NR1H3: variants seen among roughly 807,000 people sequenced by gnomAD.
NR1H3 encodes oxysterols receptor LXR-alpha.
In NR1H3, 19 loss-of-function variants were observed where a neutral mutation model predicts 48.1. That is an observed-to-expected ratio of 0.40 (90% CI 0.28 to 0.58). NR1H3 has a LOEUF of 0.58. Ranked by LOEUF, NR1H3 falls within the 20% of genes least tolerant of loss-of-function variation. The pLI, the probability that NR1H3 is intolerant of heterozygous loss-of-function variation, is 0.50. For missense variants in NR1H3, 486 were observed against 595.9 expected (o/e 0.82, Z 1.92); for synonymous variants, 232 against 227.3 (o/e 1.02, Z -0.19).
chr11:47,251,325 G>A (rs1462432282), intron 1 of NR1H3, among the ~76,000 whole-genome samples: 1 of 151,358 alleles, frequency 6.6e-6, no homozygotes, highest in Non-Finnish European at 1.5e-5. Context: ...TGGACTAAAC[G>A]GGACCTAGGC....
Position 47,261,341 on chromosome 11 carries a change from C to T in NR1H3, c.600C>T (p.Pro200=), listed in dbSNP as rs147104411. 8.7e-6 allele frequency: 14 copies of T among 1,614,028 alleles called. No homozygotes were observed. Among genetic ancestry groups the T allele is most frequent in the African/African-American group, 4.0e-5 (3 of 74,898 alleles). The change falls in exon 5 of 10, where the codon CCC becomes CCT. Residue 200 remains proline, a synonymous_variant. Transcript: ENST00000441012. Reference sequence around the variant, plus strand: ...TGCCCCCCAGGGCTTCCTCACCCCCCCAAATCCTGCCCCAGCTCAGCCCGG... The same window carrying T: ...TGCCCCCCAGGGCTTCCTCACCCCCTCAAATCCTGCCCCAGCTCAGCCCGG... ...TSLPPRASSP[P]QILPQLSPEQ... is the part of the protein sequence containing the mutation.
chr11:47,264,675 A>T (rs1049429564), intron 7 of NR1H3, among the ~76,000 whole-genome samples: 2 of 152,194 alleles, frequency 1.3e-5, no homozygotes, highest in Non-Finnish European at 2.9e-5. Flanking sequence ...ATGCTATCTG[A>T]ATCTGCACCT....
chr11:47,260,385 G>A (rs369828876), intron 3 of NR1H3, 24 bp from the exon 4 acceptor site: 40 of 1,593,194 alleles, frequency 2.5e-5, no homozygotes, highest in Admixed American at 8.5e-5. Flanking sequence ...GGGGGAGAGC[G>A]TTGAAGCACT....
At chr11:47,248,915 G>A, upstream of NR1H3, 1 of 1,539,968 alleles carries the variant, frequency 6.5e-7, no homozygotes, top group Admixed American at 2.0e-5. Context: ...TTAGGGACCT[G>A]CTGGGGTGCG....
chr11:47,248,746 TGGA>T (rs769826672), upstream of NR1H3: 5 of 1,608,868 alleles, frequency 3.1e-6, no homozygotes, highest in Non-Finnish European at 4.2e-6. Context: ...GAGAAGGAGC[TGGA>T]GGAGAGCCGC....
intron 1 of NR1H3, among the ~76,000 whole-genome samples, chr11:47,249,352 C>T (rs983000406): frequency 2.6e-5 from 4 of 152,156 alleles, no homozygotes; most frequent in African/African-American, 9.7e-5. Context: ...CCCAGTCTGG[C>T]CTACCGTTCC....
At chr11:47,249,040 A>C in intron 1 of NR1H3, 1 of 1,446,878 alleles carries the variant, frequency 6.9e-7, no homozygotes, top group African/African-American at 1.4e-5. Flanking sequence ...CGAAGACCTC[A>C]TCTTGATTAA....
At chr11:47,255,615 C>CTCTT (rs71042664), upstream of NR1H3, among the ~76,000 whole-genome samples, 192 of 93,026 alleles carry the variant, frequency 2.1e-3, 1 homozygote, top group African/African-American at 5.9e-3. Flanking sequence ...CTCTCTCTCT[C>CTCTT]TCTTTCTTTC....
chr11:47,260,535 G>C lies in NR1H3; in HGVS notation c.359G>C (p.Gly120Ala), dbSNP rs1418463119. Residue 120 changes from glycine to alanine, a missense_variant, in exon 4 of 10, where the codon GGA becomes GCA. Gly to Ala is a moderately conservative substitution (Grantham distance 60). Coordinates refer to ENST00000441012, the MANE Select transcript of NR1H3 (RefSeq NM_005693.4). Reference sequence around the variant, plus strand: ...GTTCTGAGCTGCGAGGGCTGCAAGGGATTCTTCCGCCGCAGCGTCATCAAG... The same window carrying C: ...GTTCTGAGCTGCGAGGGCTGCAAGGCATTCTTCCGCCGCAGCGTCATCAAG... ...YNVLSCEGCKGFFRRSVIKGA... is the reference protein window; with the variant it reads ...YNVLSCEGCKAFFRRSVIKGA... The C allele has an allele frequency of 1.2e-6, 2 of 1,614,258 alleles. No individual in the cohort carries two copies. The highest frequency in any genetic ancestry group is 1.7e-6 in the Non-Finnish European group (2 of 1,180,056).
In NR1H3 at chr11:47,261,461, A is replaced by G; in HGVS notation, c.708+12A>G. Reference sequence around the variant, plus strand: ...GGCTTCGAGTCACGGTACTTGACACACCTGGGGAGAGGCGGCTGCGCCCAG... The same window carrying G: ...GGCTTCGAGTCACGGTACTTGACACGCCTGGGGAGAGGCGGCTGCGCCCAG... On this transcript the variant is annotated intron_variant, in intron 5 of 9. Transcript: ENST00000441012. The G allele has an allele frequency of 6.2e-7, 1 of 1,612,802 alleles. No homozygotes were observed. The highest frequency in any genetic ancestry group is 8.5e-7 in the Non-Finnish European group (1 of 1,178,936).
intron 7 of NR1H3, among the ~76,000 whole-genome samples, chr11:47,264,900 G>C (rs1321596044): frequency 1.3e-5 from 2 of 152,176 alleles, no homozygotes; most frequent in Non-Finnish European, 2.9e-5. Context: ...GACCCTCAGA[G>C]GTGCATTAGC....
intron 7 of NR1H3, among the ~76,000 whole-genome samples, chr11:47,265,153 G>A (rs1197810983): frequency 6.6e-6 from 1 of 152,170 alleles, no homozygotes; most frequent in Non-Finnish European, 1.5e-5. Flanking sequence ...AATTAGCTGG[G>A]CGTGGTGGTG....
intron 7 of NR1H3, among the ~76,000 whole-genome samples, chr11:47,264,335 A>G (rs1028043443): frequency 6.6e-6 from 1 of 152,214 alleles, no homozygotes; most frequent in Admixed American, 6.5e-5. Flanking sequence ...AGGCCAGCTC[A>G]CGTGCCTCTT....
chr11:47,268,728 G>C lies in NR1H3; in HGVS notation c.*32G>C, dbSNP rs967850460. On this transcript the variant is annotated 3_prime_UTR_variant, in exon 10 of 10. Transcript: ENST00000441012. Reference sequence around the variant, plus strand: ...TGTCCCCATATTTTCTGTTTTCTTGGCCGGATGGCTGAGGCCTGGTGGCTG... The same window carrying C: ...TGTCCCCATATTTTCTGTTTTCTTGCCCGGATGGCTGAGGCCTGGTGGCTG... 3 of 1,606,520 alleles carry C rather than the reference G, an allele frequency of 1.9e-6. No individual in the cohort carries two copies. Among genetic ancestry groups the C allele is most frequent in the African/African-American group, 2.7e-5 (2 of 74,792 alleles).
At chr11:47,262,985 G>GT (rs1354660102) in intron 7 of NR1H3, among the ~76,000 whole-genome samples, 2 of 152,144 alleles carry the variant, frequency 1.3e-5, no homozygotes. Context: ...TAGGTCAGTG[G>GT]TTTTCAAACT....
At chr11:47,249,447 GTTAA>G (rs1354051405) in intron 1 of NR1H3, among the ~76,000 whole-genome samples, 3 of 152,100 alleles carry the variant, frequency 2.0e-5, no homozygotes, top group South Asian at 2.1e-4. Flanking sequence ...CCAAGTTTTA[GTTAA>G]TTAGAGTCAA....
At chr11:47,248,462 T>A, upstream of NR1H3, 2 of 1,546,430 alleles carry the variant, frequency 1.3e-6, no homozygotes, top group South Asian at 2.4e-5. Flanking sequence ...TTCAACCACT[T>A]CCCTGTCTCA....
rs1205911386 is a variant in NR1H3, at chr11:47,268,850, A to G, written c.*154A>G. ...ATTAAAAGAGAGTCAAAGGGTTGCG[A>G]GTTTTGTGGCTACTGAGCAGTGGAG... On this transcript the variant is annotated 3_prime_UTR_variant, in exon 10 of 10. Coordinates refer to ENST00000441012, the MANE Select transcript of NR1H3 (RefSeq NM_005693.4). 4 of 933,156 alleles carry G rather than the reference A, an allele frequency of 4.3e-6. No individual in the cohort carries two copies. In the East Asian group the frequency reaches 1.0e-4, roughly 24 times the overall value. 57.8% of individuals were successfully genotyped at this position (933,156 alleles called of 1,614,324 possible).
At position 47,260,566 on chromosome 11, in the gene NR1H3, G is replaced by T; in HGVS notation, c.390G>T (p.Ala130=). ...GFFRRSVIKG[A]HYICHSGGHC... ...TCCGCCGCAGCGTCATCAAGGGAGC[G>T]CACTACATCTGCCACAGTGGCGGCC... The change falls in exon 4 of 10, where the codon GCG becomes GCT. Residue 130 remains alanine, a synonymous_variant. Coordinates refer to ENST00000441012, the MANE Select transcript of NR1H3 (RefSeq NM_005693.4). 1 of 1,614,180 alleles carries T rather than the reference G, an allele frequency of 6.2e-7. No homozygotes were observed. Among genetic ancestry groups the T allele is most frequent in the Non-Finnish European group, 8.5e-7 (1 of 1,180,046 alleles).
Sources: gnomAD v4.1 joint callset for allele counts (sites outside exome capture counted in the v4.1 genomes callset) on GRCh38, gnomAD v4.1.1 for gene constraint, MANE v1.5 for transcripts, NCBI Gene and HGNC (gene_info 2026-07-23, HGNC 2026-07-21) for gene names.